Variants in NPAS3 observed in about 807,000 individuals in gnomAD.
NPAS3 encodes the protein neuronal PAS domain-containing protein 3.
NPAS3 carries 14 observed loss-of-function variants against 73.1 expected under a neutral mutation model. The observed-to-expected ratio is 0.19, with a 90% CI of 0.13 to 0.30. The LOEUF is 0.30. Among genes scored for constraint, NPAS3 ranks in the 10% least tolerant of loss-of-function variants. The pLI is 1.00. For missense variants in NPAS3, 1,096 were observed against 1,250.0 expected (o/e 0.88, Z 1.86); for synonymous variants, 620 against 541.5 (o/e 1.14, Z -2.01).
chr14:33,459,523 A>C (rs1433786478), intron 4 of NPAS3, among the ~76,000 whole-genome samples: 1 of 152,220 alleles, frequency 6.6e-6, no homozygotes, highest in East Asian at 1.9e-4. Flanking sequence ...ACTTAAAATC[A>C]GTGTCATCTC....
Position 32,971,937 on chromosome 14 carries a change from T to C in NPAS3, c.50+32571T>C, listed in dbSNP as rs1371470516. On this transcript the variant is annotated intron_variant, in intron 1 of 11. Coordinates refer to ENST00000356141, the Ensembl canonical transcript of NPAS3. Reference sequence around the variant, plus strand: ...GATATCTATTAAATCAGTGGGACTCTTTTTTTTTTTTTTTTTTTTTGAGAT... The same window carrying C: ...GATATCTATTAAATCAGTGGGACTCCTTTTTTTTTTTTTTTTTTTTGAGAT... Among the ~76,000 whole-genome samples the C allele has an allele frequency of 6.4e-5, 5 of 78,128 alleles. No individual in the cohort carries two copies. The South Asian group carries it at 1.3e-3, about 20-fold the overall frequency. 51.3% of individuals were successfully genotyped at this position (78,128 alleles called of 152,430 possible).
chr14:33,396,657 T>C (rs1408726760), intron 4 of NPAS3, among the ~76,000 whole-genome samples: 1 of 152,162 alleles, frequency 6.6e-6, no homozygotes, highest in African/African-American at 2.4e-5. Flanking sequence ...AGTTTCTTTA[T>C]AGGGGAATTT....
chr14:33,636,625 G>A (rs1208664187), intron 5 of NPAS3, among the ~76,000 whole-genome samples: 4 of 152,070 alleles, frequency 2.6e-5, no homozygotes, highest in African/African-American at 7.2e-5. Context: ...TCAGGCAGCC[G>A]CTGCCAGAAA....
intron 4 of NPAS3, among the ~76,000 whole-genome samples, chr14:33,512,060 A>G (rs1337582831): frequency 2.6e-5 from 4 of 152,006 alleles, no homozygotes; most frequent in Non-Finnish European, 5.9e-5. Flanking sequence ...GCACTTTTTT[A>G]TTAGCTTGTC....
intron 3 of NPAS3, among the ~76,000 whole-genome samples, chr14:33,278,543 A>T (rs1377991892): frequency 2.0e-5 from 3 of 152,136 alleles, no homozygotes; most frequent in African/African-American, 7.2e-5. Context: ...AAGGGGAAAA[A>T]AAAGAATGAT....
intron 3 of NPAS3, among the ~76,000 whole-genome samples, chr14:33,324,168 G>A (rs1323092251): frequency 2.0e-5 from 3 of 152,170 alleles, no homozygotes; most frequent in Non-Finnish European, 4.4e-5. Context: ...CAGTCTGCCA[G>A]TGGAGCATTT....
chr14:33,207,253 ACACACACACACACG>A (rs71118531), intron 2 of NPAS3, among the ~76,000 whole-genome samples: 25,268 of 58,874 alleles, frequency 0.43, 2,462 homozygotes, highest in Middle Eastern at 0.55. Flanking sequence ...ACACACACAC[ACACACACACACACG>A]CACACACACA....
intron 8 of NPAS3, 122 bp from the exon 9 acceptor site, chr14:33,778,344 G>A: frequency 1.5e-6 from 1 of 653,900 alleles, no homozygotes; most frequent in Non-Finnish European, 2.7e-6. Flanking sequence ...CCCTCACAGT[G>A]CCACCTCCTC....
chr14:33,290,435 T>C (rs2140106424), intron 3 of NPAS3, among the ~76,000 whole-genome samples: 1 of 152,348 alleles, frequency 6.6e-6, no homozygotes, highest in South Asian at 2.1e-4. Flanking sequence ...TGTGTTTTTC[T>C]TCTGTGCAAG....
intron 5 of NPAS3, among the ~76,000 whole-genome samples, chr14:33,561,924 A>C (rs1453410513): frequency 1.3e-5 from 2 of 152,214 alleles, no homozygotes; most frequent in African/African-American, 2.4e-5. Context: ...TCTGTAATTG[A>C]GATGTGTATG....
chr14:33,600,816 T>C (rs879554817), intron 5 of NPAS3, among the ~76,000 whole-genome samples: 3 of 152,220 alleles, frequency 2.0e-5, no homozygotes, highest in Non-Finnish European at 4.4e-5. Flanking sequence ...AGATACACTT[T>C]AGAGTTAAAC....
intron 4 of NPAS3, among the ~76,000 whole-genome samples, chr14:33,489,032 G>A (rs2051756922): frequency 6.6e-6 from 1 of 152,162 alleles, no homozygotes; most frequent in Non-Finnish European, 1.5e-5. Context: ...CTTTGAAGGT[G>A]ACAAAACTGC....
intron 3 of NPAS3, among the ~76,000 whole-genome samples, chr14:33,291,321 T>C (rs915427766): frequency 6.6e-6 from 1 of 152,176 alleles, no homozygotes. Flanking sequence ...ATCATGTTTT[T>C]AAAGGCCTTA....
At chr14:33,607,479 A>G (rs942635253) in intron 5 of NPAS3, among the ~76,000 whole-genome samples, 1 of 152,156 alleles carries the variant, frequency 6.6e-6, no homozygotes, top group African/African-American at 2.4e-5. Flanking sequence ...GTGACAAAAA[A>G]TAGATTCAGT....
chr14:32,951,552 C>T (rs1433898494), intron 1 of NPAS3, among the ~76,000 whole-genome samples: 1 of 151,954 alleles, frequency 6.6e-6, no homozygotes, highest in Non-Finnish European at 1.5e-5. Flanking sequence ...TGCTAAGACT[C>T]AATGTAACAC....
At chr14:33,155,866 T>G (rs1354426022) in intron 2 of NPAS3, among the ~76,000 whole-genome samples, 1 of 152,218 alleles carries the variant, frequency 6.6e-6, no homozygotes, top group Admixed American at 6.5e-5. Context: ...GCTCTGCATT[T>G]TTAAATATTA....
chr14:33,453,707 C>T (rs2049902454), intron 4 of NPAS3, among the ~76,000 whole-genome samples: 2 of 152,202 alleles, frequency 1.3e-5, no homozygotes, highest in South Asian at 4.1e-4. Context: ...CCCAGCTGGG[C>T]TTAAGTTTAC....
At chr14:33,144,835 C>A (rs893453240) in intron 2 of NPAS3, among the ~76,000 whole-genome samples, 2 of 152,160 alleles carry the variant, frequency 1.3e-5, no homozygotes, top group Non-Finnish European at 1.5e-5. Flanking sequence ...CTCAAATGAT[C>A]CTCCTATCTT....
intron 2 of NPAS3, among the ~76,000 whole-genome samples, chr14:33,088,128 G>C (rs149293140): frequency 7.2e-5 from 11 of 152,344 alleles, no homozygotes; most frequent in African/African-American, 2.4e-4. Flanking sequence ...GAAGATGGGG[G>C]ATTTCTGCAT....
Sources: gnomAD v4.1 joint callset for allele counts (sites outside exome capture counted in the v4.1 genomes callset) on GRCh38, gnomAD v4.1.1 for gene constraint, MANE v1.5 for transcripts, NCBI Gene and HGNC (gene_info 2026-07-23, HGNC 2026-07-21) for gene names.